The following PPTC7 variants were observed in gnomAD, a reference collection of about 807,000 sequenced individuals.
PPTC7 encodes protein phosphatase targeting COQ7, also known as protein phosphatase PTC7 homolog.
A neutral mutation model predicts 30.8 loss-of-function variants in PPTC7; 6 were observed. The observed-to-expected ratio is 0.19, with a 90% CI of 0.11 to 0.38. PPTC7 has a LOEUF of 0.38. PPTC7 is among the 10% of genes least tolerant of loss of function. The pLI is 1.00. For synonymous variants in PPTC7, 163 were observed against 168.1 expected (o/e 0.97, Z 0.23); for missense variants, 218 against 404.8 (o/e 0.54, Z 3.96).
intron 3 of PPTC7, 85 bp downstream of exon 3, chr12:110,545,795 T>C (rs2064301551): frequency 4.2e-6 from 5 of 1,193,892 alleles, no homozygotes; most frequent in East Asian, 2.3e-5. Context: ...TGGAAATGCC[T>C]ACCTCACTGC....
rs558647317 is a variant in PPTC7, at chr12:110,577,212, T to A, written c.223+5597A>T. Among the ~76,000 whole-genome samples, 399 of 147,178 alleles carry A rather than the reference T, an allele frequency of 2.7e-3. 4 individuals are homozygous for A. The highest frequency in any genetic ancestry group is 0.022 in the South Asian group (99 of 4,556). On this transcript the variant is annotated intron_variant, in intron 1 of 5. Coordinates refer to ENST00000354300, the MANE Select transcript of PPTC7 (RefSeq NM_139283.2). ...AATTCACTCAGGGTCATATTTGCTA[T>A]CAACAGGTAGATGATGCTGGAATCT...
At position 110,560,443 on chromosome 12, in the gene PPTC7, A is replaced by G. The variant is rs2064429972; in HGVS notation, c.224-8475T>C. 3.9e-5 allele frequency among the ~76,000 whole-genome samples: 6 copies of G among 152,108 alleles called. No individual in the cohort carries two copies. In the South Asian group the frequency reaches 1.2e-3, roughly 32 times the overall value. On this transcript the variant is annotated intron_variant, in intron 1 of 5. Coordinates refer to ENST00000354300, the MANE Select transcript of PPTC7 (RefSeq NM_139283.2). ...AAAAAGGTAGTTATAACCAAATGAT[A>G]GCTATCTTAAAAATCCTATCTTCCC...
intron 1 of PPTC7, among the ~76,000 whole-genome samples, chr12:110,554,689 A>C (rs966884071): frequency 6.6e-6 from 1 of 152,120 alleles, no homozygotes; most frequent in African/African-American, 2.4e-5. Flanking sequence ...ACAATCTTCT[A>C]CTCAAACTCT....
At position 110,583,177 on chromosome 12, in the gene PPTC7, C is replaced by T. The variant is rs2064655270; in HGVS notation, c.-146G>A. ...CGCAGTGGCCGCCGCCGCCCCTGCC[C>T]GACGCGCGGGGCCTCGCACGCGCTC... On this transcript the variant is annotated 5_prime_UTR_variant, in exon 1 of 6. Transcript: ENST00000354300. 5.2e-6 allele frequency: 2 copies of T among 381,986 alleles called. No individual in the cohort carries two copies. The highest frequency in any genetic ancestry group is 7.9e-6 in the Non-Finnish European group (2 of 253,482). The allele number at this position is 381,986 out of a possible 1,614,324, so 23.7% of individuals were successfully genotyped here.
chr12:110,571,170 T>A (rs201334360), intron 1 of PPTC7, among the ~76,000 whole-genome samples: 7 of 149,964 alleles, frequency 4.7e-5, no homozygotes, highest in Admixed American at 4.7e-4. Flanking sequence ...AAAAGTAAAA[T>A]TAAAAGTAAA....
At chr12:110,570,861 G>A (rs2064529013) in intron 1 of PPTC7, among the ~76,000 whole-genome samples, 1 of 151,700 alleles carries the variant, frequency 6.6e-6, no homozygotes, top group Non-Finnish European at 1.5e-5. Flanking sequence ...GAGGCTGGCG[G>A]GATCCTCCAT....
At chr12:110,548,498 C>T (rs1228276722) in intron 2 of PPTC7, among the ~76,000 whole-genome samples, 2 of 152,088 alleles carry the variant, frequency 1.3e-5, no homozygotes, top group African/African-American at 2.4e-5. Context: ...TCAGATAACC[C>T]GCTCCATAGC....
At chr12:110,577,949 A>G (rs760318786) in intron 1 of PPTC7, among the ~76,000 whole-genome samples, 43 of 152,218 alleles carry the variant, frequency 2.8e-4, no homozygotes, top group Non-Finnish European at 5.1e-4. Flanking sequence ...TTCGAAGCAC[A>G]AAAGTATCAG....
rs1197408675 is a variant in PPTC7, at chr12:110,536,981, C to G, written c.*56G>C. 1 of 1,358,330 alleles carries G rather than the reference C, an allele frequency of 7.4e-7. No homozygotes were observed. The highest frequency in any genetic ancestry group is 1.1e-6 in the Non-Finnish European group (1 of 947,806). 84.1% of individuals were successfully genotyped at this position (1,358,330 alleles called of 1,614,324 possible). A position where few individuals can be genotyped will look rare whatever the true frequency, so the allele number is the denominator to read the frequency against. ...TGTGGTCCTGCCAGCAGGATCAGCA[C>G]ACATGGCAGGGGAAATTTGGGATGA... On this transcript the variant is annotated 3_prime_UTR_variant, in exon 6 of 6. Transcript: ENST00000354300.
At chr12:110,548,208 T>C (rs1373899968) in intron 2 of PPTC7, among the ~76,000 whole-genome samples, 2 of 152,130 alleles carry the variant, frequency 1.3e-5, no homozygotes, top group Non-Finnish European at 2.9e-5. Context: ...GTTACCATTA[T>C]TCTATGCACA....
chr12:110,566,270 C>A (rs548170556), intron 1 of PPTC7, among the ~76,000 whole-genome samples: 1 of 152,276 alleles, frequency 6.6e-6, no homozygotes, highest in African/African-American at 2.4e-5. Flanking sequence ...TTAATTAAAA[C>A]AAAAGCAATA....
At chr12:110,549,649 T>C (rs1256511781) in intron 2 of PPTC7, among the ~76,000 whole-genome samples, 1 of 152,192 alleles carries the variant, frequency 6.6e-6, no homozygotes, top group Admixed American at 6.5e-5. Flanking sequence ...TTTAAATGTA[T>C]TTTATTAATA....
chr12:110,582,601 TTAG>T (rs2064647576), intron 1 of PPTC7, among the ~76,000 whole-genome samples: 1 of 152,198 alleles, frequency 6.6e-6, no homozygotes, highest in Non-Finnish European at 1.5e-5. Context: ...GCTGTGCGCC[TTAG>T]TTTCCTCCTC....
At chr12:110,542,428 T>G (rs2064268600) in intron 3 of PPTC7, among the ~76,000 whole-genome samples, 2 of 151,570 alleles carry the variant, frequency 1.3e-5, no homozygotes, top group African/African-American at 4.8e-5. Context: ...TCCCAGCACT[T>G]TGGGAGGCCA....
chr12:110,537,333 CAGG>C (rs1328653068), intron 5 of PPTC7, among the ~76,000 whole-genome samples: 1 of 151,954 alleles, frequency 6.6e-6, no homozygotes, highest in African/African-American at 2.4e-5. Context: ...TCCTTTACAA[CAGG>C]AGCTCTATTC....
In PPTC7 at chr12:110,552,714, A is replaced by T. The variant is rs184063154; in HGVS notation, c.224-746T>A. Among the ~76,000 whole-genome samples, 712 of 152,258 alleles carry T rather than the reference A, an allele frequency of 4.7e-3. 4 individuals are homozygous for T. The highest frequency in any genetic ancestry group is 0.017 in the African/African-American group (694 of 41,558). ...CCCGTCTCTACTAAAAATACAAAAA[A>T]TTAGCCAGGCGTGGTGGCAGGCGCC... On this transcript the variant is annotated intron_variant, in intron 1 of 5. Transcript: ENST00000354300.
Position 110,534,924 on chromosome 12 carries a change from G to A in PPTC7, c.*2113C>T, listed in dbSNP as rs1004732321. On this transcript the variant is annotated 3_prime_UTR_variant, in exon 6 of 6. Transcript: ENST00000354300. ...TACCAGGAATTAAATGTAGGCGTTG[G>A]AAAATGAATGCAAAATATATCCAGA... The A allele has an allele frequency of 1.3e-5, 2 of 152,586 alleles. No individual in the cohort carries two copies. The highest frequency in any genetic ancestry group is 4.8e-5 in the African/African-American group (2 of 41,444). 9.5% of individuals were successfully genotyped at this position (152,586 alleles called of 1,614,324 possible).
At chr12:110,564,372 T>C (rs765505632) in intron 1 of PPTC7, among the ~76,000 whole-genome samples, 1 of 152,216 alleles carries the variant, frequency 6.6e-6, no homozygotes, top group Non-Finnish European at 1.5e-5. Flanking sequence ...ATTCAAAAAT[T>C]AAGTAAGGAA....
chr12:110,539,087 G>A (rs1259508109), intron 4 of PPTC7, among the ~76,000 whole-genome samples: 1 of 152,142 alleles, frequency 6.6e-6, no homozygotes, highest in Non-Finnish European at 1.5e-5. Flanking sequence ...CACACTGACT[G>A]CACTCCACAG....
Sources: allele counts gnomAD v4.1 joint callset (sites outside exome capture counted in the v4.1 genomes callset), GRCh38; gene constraint gnomAD v4.1.1; transcripts MANE v1.5; gene names NCBI Gene and HGNC (gene_info 2026-07-23, HGNC 2026-07-21).